SOX10: variants seen among roughly 807,000 people sequenced by gnomAD.
The protein encoded by SOX10 is transcription factor SOX-10.
Under a neutral mutation model 35.0 loss-of-function variants are expected in SOX10, and 3 were observed. The ratio of observed to expected loss-of-function variants is 0.09; its 90% CI spans 0.04 to 0.22. The LOEUF (loss-of-function observed/expected upper bound fraction) is 0.22. Among genes scored for constraint, SOX10 ranks in the 10% least tolerant of loss-of-function variants. SOX10 has a pLI of 1.00. For synonymous variants in SOX10, 285 were observed against 291.0 expected (o/e 0.98, Z 0.21); for missense variants, 436 against 655.1 (o/e 0.67, Z 3.65).
rs1466375092 is a variant in SOX10 at position 37,980,717 on chromosome 22, C to G, written c.429-2582G>C. Among the ~76,000 whole-genome samples the G allele has an allele frequency of 6.6e-6, 1 of 152,242 alleles. No homozygotes were observed. Among genetic ancestry groups the G allele is most frequent in the Non-Finnish European group, 1.5e-5 (1 of 68,040 alleles). ...CCTCATCTGCACCTTCCTGTCAGCCCTCTTTCTCCCTGGTCTCCCAGGTTT... is the reference window on the plus strand; with the variant it reads ...CCTCATCTGCACCTTCCTGTCAGCCGTCTTTCTCCCTGGTCTCCCAGGTTT... On this transcript the variant is annotated intron_variant, in intron 2 of 3. Transcript: ENST00000396884. The surrounding 1 kb of genome is among the most constrained non-coding windows in gnomAD (Gnocchi z 4.1).
In SOX10 at chr22:37,973,496, T is replaced by C; in HGVS notation, c.1400A>G (p.Ter467=). Residue 467 remains the stop codon, a stop_retained_variant, in exon 4 of 4, where the codon TAA becomes TGA. Coordinates refer to ENST00000396884, the MANE Select transcript of SOX10 (RefSeq NM_006941.4). ...QPVYTTLSRP[*] ...GGGGTGGTGGCGACAGGGCCCCCTTTAGGGCCGGGACAGTGTCGTATATAC... is the reference window on the plus strand; with the variant it reads ...GGGGTGGTGGCGACAGGGCCCCCTTCAGGGCCGGGACAGTGTCGTATATAC... The C allele has an allele frequency of 1.3e-6, 2 of 1,582,456 alleles. No individual in the cohort carries two copies. The highest frequency in any genetic ancestry group is 1.7e-6 in the Non-Finnish European group (2 of 1,162,474).
At position 37,974,383 on chromosome 22, in the gene SOX10, G is replaced by A. The variant is rs1932163247; in HGVS notation, c.698-185C>T. 6.8e-6 allele frequency among the ~76,000 whole-genome samples: 1 copy of A among 147,676 alleles called. No homozygotes were observed. The highest frequency in any genetic ancestry group is 6.7e-5 in the Admixed American group (1 of 14,856). On this transcript the variant is annotated intron_variant, in intron 3 of 3. Transcript: ENST00000396884. The surrounding 1 kb of genome is among the most constrained non-coding windows in gnomAD (Gnocchi z 5.4). ...TTTTTTTTTTTTGAGATGGAGTTTCGCTCTTGTTGCCCAGACTGGAGTGCA... is the reference window on the plus strand; with the variant it reads ...TTTTTTTTTTTTGAGATGGAGTTTCACTCTTGTTGCCCAGACTGGAGTGCA...
Position 37,978,159 on chromosome 22 carries a change from A to G in SOX10, c.429-24T>C, listed in dbSNP as rs1267827812. 1 of 1,519,230 alleles carries G rather than the reference A, an allele frequency of 6.6e-7. No individual in the cohort carries two copies. The highest frequency in any genetic ancestry group is 2.3e-5 in the East Asian group (1 of 43,020). The allele number at this position is 1,519,230 out of a possible 1,614,324, so 94.1% of individuals were successfully genotyped here. A position where few individuals can be genotyped will look rare whatever the true frequency, so the allele number is the denominator to read the frequency against. ...GCCTGGGGTGTGGTGGGAGGCGGAG[A>G]GGACAGCAGAGGGGCTGGCGTGAAT... On this transcript the variant is annotated intron_variant, in intron 2 of 3. Transcript: ENST00000396884. The surrounding 1 kb of genome is among the most constrained non-coding windows in gnomAD (Gnocchi z 5.0).
At chr22:37,975,194 T>A (rs944275977) in intron 3 of SOX10, among the ~76,000 whole-genome samples, 1 of 152,244 alleles carries the variant, frequency 6.6e-6, no homozygotes, top group Non-Finnish European at 1.5e-5. Flanking sequence ...TGCCAGGTGC[T>A]GGGGATACTA....
chr22:37,978,326 A>G lies in SOX10; in HGVS notation c.429-191T>C, dbSNP rs1375151344. Among the ~76,000 whole-genome samples the G allele has an allele frequency of 6.6e-6, 1 of 152,222 alleles. No homozygotes were observed. Among genetic ancestry groups the G allele is most frequent in the Non-Finnish European group, 1.5e-5 (1 of 68,030 alleles). ...GACTGAGAGATGTGAGGCCCAAGGA[A>G]TAACAGCCTCAGAGGGCTGCCCCCA... On this transcript the variant is annotated intron_variant, in intron 2 of 3. Transcript: ENST00000396884. The surrounding 1 kb of genome is among the most constrained non-coding windows in gnomAD (Gnocchi z 5.0).
chr22:37,978,245 G>A lies in SOX10; in HGVS notation c.429-110C>T. 8.1e-7 allele frequency: 1 copy of A among 1,228,112 alleles called. No homozygotes were observed. Among genetic ancestry groups the A allele is most frequent in the Non-Finnish European group, 1.1e-6 (1 of 910,790 alleles). The allele number at this position is 1,228,112 out of a possible 1,614,324, so 76.1% of individuals were successfully genotyped here. A position where few individuals can be genotyped will look rare whatever the true frequency, so the allele number is the denominator to read the frequency against. On this transcript the variant is annotated intron_variant, in intron 2 of 3. Coordinates refer to ENST00000396884, the MANE Select transcript of SOX10 (RefSeq NM_006941.4). The surrounding 1 kb of genome is among the most constrained non-coding windows in gnomAD (Gnocchi z 5.0). ...CCATCTTGGAAGATGTGAGGCCCTGGGATGGGGCACCCAGAGGACAGGACC... is the reference window on the plus strand; with the variant it reads ...CCATCTTGGAAGATGTGAGGCCCTGAGATGGGGCACCCAGAGGACAGGACC...
chr22:37,979,584 G>T (rs377644754), intron 2 of SOX10, among the ~76,000 whole-genome samples: 4 of 152,038 alleles, frequency 2.6e-5, no homozygotes, highest in Admixed American at 6.6e-5. Context: ...CTATATCCTT[G>T]TCCAGAAAAT....
chr22:37,972,593 C>A lies in SOX10; in HGVS notation c.*902G>T, dbSNP rs918624435. The A allele has an allele frequency of 4.6e-6, 1 of 218,174 alleles. No individual in the cohort carries two copies. Among genetic ancestry groups the A allele is most frequent in the Non-Finnish European group, 9.3e-6 (1 of 107,402 alleles). 13.5% of individuals were successfully genotyped at this position (218,174 alleles called of 1,614,324 possible). A position where few individuals can be genotyped will look rare whatever the true frequency, so the allele number is the denominator to read the frequency against. On this transcript the variant is annotated 3_prime_UTR_variant, in exon 4 of 4. Transcript: ENST00000396884. ...GCAACCTGGGTGCTGGGCCCTGTGT[C>A]TCCTGGAGCCAAGGGTTAGGGCCTG...
At chr22:37,979,314 T>G (rs2145770737) in intron 2 of SOX10, among the ~76,000 whole-genome samples, 1 of 152,010 alleles carries the variant, frequency 6.6e-6, no homozygotes, top group East Asian at 1.9e-4. Context: ...GCCAGGCTGG[T>G]CTCCAACTCC....
In SOX10 at chr22:37,974,068, C is replaced by A; in HGVS notation, c.828G>T (p.Val276=). ...GGKPHIDFGN[V]DIGEISHEVM... ...CCTCGTGGCTGATCTCACCAATGTC[C>A]ACGTTGCCGAAGTCGATGTGAGGCT... Residue 276 remains valine, a synonymous_variant, in exon 4 of 4, where the codon GTG becomes GTT. Coordinates refer to ENST00000396884, the MANE Select transcript of SOX10 (RefSeq NM_006941.4). This position sits in a 1 kb window ranked among gnomAD's most constrained non-coding sequence, Gnocchi z 5.4. 6.2e-7 allele frequency: 1 copy of A among 1,614,076 alleles called. No homozygotes were observed. Among genetic ancestry groups the A allele is most frequent in the Non-Finnish European group, 8.5e-7 (1 of 1,180,038 alleles).
intron 3 of SOX10, 36 bp downstream of exon 3, chr22:37,977,831 C>T: frequency 6.3e-7 from 1 of 1,590,498 alleles, no homozygotes; most frequent in Non-Finnish European, 8.6e-7. Flanking sequence ...CACTGACTGG[C>T]CTTGCCCCAC....
chr22:37,981,026 C>G (rs1291161938), intron 2 of SOX10, among the ~76,000 whole-genome samples: 1 of 152,226 alleles, frequency 6.6e-6, no homozygotes, highest in Non-Finnish European at 1.5e-5. Context: ...TCAGCCTCAA[C>G]TAGCCCCTCC....
At position 37,978,178 on chromosome 22, in the gene SOX10, C is replaced by A. The variant is rs902044556; in HGVS notation, c.429-43G>T. The A allele has an allele frequency of 1.3e-6, 2 of 1,488,204 alleles. No individual in the cohort carries two copies. Among genetic ancestry groups the A allele is most frequent in the Non-Finnish European group, 1.8e-6 (2 of 1,119,192 alleles). The allele number at this position is 1,488,204 out of a possible 1,614,324, so 92.2% of individuals were successfully genotyped here. On this transcript the variant is annotated intron_variant, in intron 2 of 3. Coordinates refer to ENST00000396884, the MANE Select transcript of SOX10 (RefSeq NM_006941.4). This position sits in a 1 kb window ranked among gnomAD's most constrained non-coding sequence, Gnocchi z 5.0. ...GCGGAGAGGACAGCAGAGGGGCTGG[C>A]GTGAATGCCAGAGCACTCCAGGTTG...
In SOX10 at chr22:37,973,931, C is replaced by G; in HGVS notation, c.965G>C (p.Ser322Thr). 1.2e-6 allele frequency: 2 copies of G among 1,610,468 alleles called. No individual in the cohort carries two copies. The highest frequency in any genetic ancestry group is 1.7e-6 in the Non-Finnish European group (2 of 1,179,928). The change falls in exon 4 of 4, where the codon AGT becomes ACT. Residue 322 changes from serine (S) to threonine (T), a missense_variant. By Grantham distance (58) the Ser-to-Thr change is moderately conservative. Transcript: ENST00000396884. ...SYSAAGYGLG[S>T]ALAVASGHSA... ...GTGTCCACTGGCCACGGCCAGGGCA[C>G]TGCCCAGCCCATAGCCGGCTGCTGA...
intron 3 of SOX10, among the ~76,000 whole-genome samples, chr22:37,975,858 G>A (rs996629301): frequency 1.3e-5 from 2 of 152,098 alleles, no homozygotes; most frequent in Non-Finnish European, 2.9e-5. Flanking sequence ...AGACCTGACT[G>A]GATGGGATAG....
In SOX10 at chr22:37,973,429, G is replaced by A; in HGVS notation, c.*66C>T. 1.8e-6 allele frequency: 2 copies of A among 1,086,406 alleles called. No homozygotes were observed. The highest frequency in any genetic ancestry group is 3.1e-5 in the South Asian group (2 of 64,482). The allele number at this position is 1,086,406 out of a possible 1,614,324, so 67.3% of individuals were successfully genotyped here. A position where few individuals can be genotyped will look rare whatever the true frequency, so the allele number is the denominator to read the frequency against. ...ACTGCCACCACCAGGCCTGAGGTGG[G>A]CAAGGAACAGGGCACACAGGCTGGG... On this transcript the variant is annotated 3_prime_UTR_variant, in exon 4 of 4. Transcript: ENST00000396884.
chr22:37,976,297 G>A (rs1213572018), intron 3 of SOX10, among the ~76,000 whole-genome samples: 1 of 152,178 alleles, frequency 6.6e-6, no homozygotes, highest in Admixed American at 6.6e-5. Context: ...ATGGGCTCAG[G>A]TGATCCTCCC....
chr22:37,973,395 GCCT>G lies in SOX10; in HGVS notation c.*97_*99del, dbSNP rs1413316977. ...CCTGTCAGCCTCTTCAGCCTCCTCA[GCCT>G]CCTCCACTGCCACCACCAGGCCTGA... On this transcript the variant is annotated 3_prime_UTR_variant, in exon 4 of 4. Transcript: ENST00000396884. The G allele has an allele frequency of 1.2e-6, 1 of 809,398 alleles. No homozygotes were observed. Among genetic ancestry groups the G allele is most frequent in the Non-Finnish European group, 1.9e-6 (1 of 524,258 alleles). The allele number at this position is 809,398 out of a possible 1,614,324, so 50.1% of individuals were successfully genotyped here. A position where few individuals can be genotyped will look rare whatever the true frequency, so the allele number is the denominator to read the frequency against.
At chr22:37,975,726 C>T (rs1002997364) in intron 3 of SOX10, among the ~76,000 whole-genome samples, 1 of 152,114 alleles carries the variant, frequency 6.6e-6, no homozygotes, top group Non-Finnish European at 1.5e-5. Context: ...GGACAAATCC[C>T]CAGTCTTCTC....
Sources: allele counts gnomAD v4.1 joint callset (sites outside exome capture counted in the v4.1 genomes callset), GRCh38; gene constraint gnomAD v4.1.1; non-coding constraint Gnocchi (gnomAD v3.1); transcripts MANE v1.5; gene names NCBI Gene and HGNC (gene_info 2026-07-23, HGNC 2026-07-21).